Variants in HS2ST1 observed in about 807,000 individuals in gnomAD.
HS2ST1 encodes heparan sulfate 2-O-sulfotransferase 1.
HS2ST1 carries 18 observed loss-of-function variants against 42.9 expected under a neutral mutation model. That is an observed-to-expected ratio of 0.42 (90% CI 0.29 to 0.62). The LOEUF (loss-of-function observed/expected upper bound fraction) is 0.62. Among genes scored for constraint, HS2ST1 ranks in the 20% least tolerant of loss-of-function variants. HS2ST1 has a pLI of 0.21. For missense variants in HS2ST1, 334 were observed against 433.8 expected (o/e 0.77, Z 2.04); for synonymous variants, 146 against 152.9 (o/e 0.95, Z 0.33).
At chr1:86,975,279 CTT>C (rs74502539) in intron 1 of HS2ST1, among the ~76,000 whole-genome samples, 2 of 138,984 alleles carry the variant, frequency 1.4e-5, no homozygotes. Flanking sequence ...ATAGCTTTTT[CTT>C]TTTTTTTTTT....
At chr1:86,966,258 T>C (rs1159609447) in intron 1 of HS2ST1, among the ~76,000 whole-genome samples, 4 of 152,322 alleles carry the variant, frequency 2.6e-5, no homozygotes, top group East Asian at 1.9e-4. Context: ...TTCTGTTTTT[T>C]TGATTGGACT....
At chr1:87,014,623 G>A (rs147143059) in intron 1 of HS2ST1, among the ~76,000 whole-genome samples, 7 of 152,270 alleles carry the variant, frequency 4.6e-5, no homozygotes, top group Non-Finnish European at 8.8e-5. Flanking sequence ...AAATAGAGCT[G>A]GAGGAGGCTG....
intron 1 of HS2ST1, among the ~76,000 whole-genome samples, chr1:87,064,851 C>T (rs1557533522): frequency 6.6e-6 from 1 of 152,096 alleles, no homozygotes. Context: ...TTAGTAGAGA[C>T]AAGGTGTTGC....
chr1:86,986,216 C>G (rs909165848), intron 1 of HS2ST1, among the ~76,000 whole-genome samples: 1 of 151,858 alleles, frequency 6.6e-6, no homozygotes, highest in Admixed American at 6.6e-5. Context: ...GTTTTATTTT[C>G]AAGTAACTTC....
chr1:87,097,999 A>C, intron 5 of HS2ST1, 64 bp downstream of exon 5: 2 of 1,607,800 alleles, frequency 1.2e-6, no homozygotes, highest in Admixed American at 1.7e-5. Context: ...TCTGTGTTTC[A>C]TTTCACAAGG....
At position 87,065,592 on chromosome 1, in the gene HS2ST1, G is replaced by T. The variant is rs993681642; in HGVS notation, c.125-7342G>T. On this transcript the variant is annotated intron_variant, in intron 1 of 6. Transcript: ENST00000370550. ...CATAGACCCCCTTGCCTGTGGTTGG[G>T]CTCTAAGAGGAAGCCCTGAAATGCA... is the stretch of plus-strand genomic sequence containing the variant. Among the ~76,000 whole-genome samples, 6 of 152,278 alleles carry T rather than the reference G, an allele frequency of 3.9e-5. No homozygotes were observed. In the East Asian group the frequency reaches 7.7e-4, roughly 20 times the overall value.
chr1:86,980,815 T>C (rs910161268), intron 1 of HS2ST1, among the ~76,000 whole-genome samples: 1 of 152,166 alleles, frequency 6.6e-6, no homozygotes, highest in Admixed American at 6.6e-5. Flanking sequence ...TAAAAACTGC[T>C]CAGTATTTAT....
intron 1 of HS2ST1, among the ~76,000 whole-genome samples, chr1:87,011,948 C>G (rs2100578878): frequency 6.6e-6 from 1 of 152,262 alleles, no homozygotes; most frequent in South Asian, 2.1e-4. Context: ...AACATGAAAT[C>G]TTGTTCAATT....
At chr1:87,045,114 G>T in intron 1 of HS2ST1, 1 of 904,016 alleles carries the variant, frequency 1.1e-6, no homozygotes, top group Non-Finnish European at 1.8e-6. Context: ...CTCTTGAGCT[G>T]TGGAGGTGGA....
At chr1:86,956,475 A>T (rs1647681080) in intron 1 of HS2ST1, 1 of 152,236 alleles carries the variant, frequency 6.6e-6, no homozygotes, top group Admixed American at 6.5e-5. Flanking sequence ...AAATGTTTCC[A>T]CTTGGTCACT....
intron 1 of HS2ST1, among the ~76,000 whole-genome samples, chr1:86,917,940 T>C (rs905505269): frequency 6.6e-6 from 1 of 152,176 alleles, no homozygotes; most frequent in Non-Finnish European, 1.5e-5. Flanking sequence ...GAAAGAAAAA[T>C]CTAGCTGTTT....
chr1:86,976,809 A>T (rs1458812720), intron 1 of HS2ST1, among the ~76,000 whole-genome samples: 2 of 147,166 alleles, frequency 1.4e-5, no homozygotes, highest in Non-Finnish European at 3.0e-5. Context: ...GATGGCTCAT[A>T]CTTGTAATAC....
At chr1:87,012,309 G>A (rs111581804) in intron 1 of HS2ST1, among the ~76,000 whole-genome samples, 2,121 of 152,212 alleles carry the variant, frequency 0.014, 55 homozygotes, top group African/African-American at 0.048. Context: ...CGTAGCTGGG[G>A]AGGCCTGACA....
chr1:87,079,627 T>G (rs898198609), intron 2 of HS2ST1, among the ~76,000 whole-genome samples: 2 of 152,228 alleles, frequency 1.3e-5, no homozygotes, highest in Non-Finnish European at 2.9e-5. Context: ...CATATTGCCT[T>G]AGTTAAATGC....
chr1:87,054,973 T>G (rs1221202955), intron 1 of HS2ST1, among the ~76,000 whole-genome samples: 1 of 152,196 alleles, frequency 6.6e-6, no homozygotes, highest in African/African-American at 2.4e-5. Context: ...TACAAAGCCC[T>G]TCTTTGAAAC....
At chr1:87,022,254 T>A (rs551861737) in intron 1 of HS2ST1, among the ~76,000 whole-genome samples, 78 of 152,348 alleles carry the variant, frequency 5.1e-4, no homozygotes, top group African/African-American at 1.8e-3. Flanking sequence ...ATAAGGTAGC[T>A]TTCTTACCTG....
intron 1 of HS2ST1, among the ~76,000 whole-genome samples, chr1:86,969,172 A>G (rs1006875363): frequency 6.6e-6 from 1 of 152,202 alleles, no homozygotes; most frequent in Admixed American, 6.5e-5. Flanking sequence ...TTAAAATTAC[A>G]TTAATCTTTC....
intron 2 of HS2ST1, among the ~76,000 whole-genome samples, chr1:87,079,965 T>C (rs765741663): frequency 1.3e-5 from 2 of 152,104 alleles, no homozygotes; most frequent in African/African-American, 4.8e-5. Context: ...GGAGGACCAC[T>C]TGAGCCCAGG....
At chr1:87,045,490 C>G (rs1392267465) in intron 1 of HS2ST1, 29 of 970,056 alleles carry the variant, frequency 3.0e-5, no homozygotes, top group Non-Finnish European at 4.7e-5. Context: ...TATGGACATT[C>G]AGCCGTACAG....
Sources: gnomAD v4.1 joint callset for allele counts (sites outside exome capture counted in the v4.1 genomes callset) on GRCh38, gnomAD v4.1.1 for gene constraint, MANE v1.5 for transcripts, NCBI Gene and HGNC (gene_info 2026-07-23, HGNC 2026-07-21) for gene names.